Variants in CFAP95 observed in about 807,000 individuals in gnomAD.
CFAP95 encodes the protein cilia and flagella associated protein 95.
the CFAP95 span, among the ~76,000 whole-genome samples, chr9:69,855,903 T>G: frequency 6.6e-6 from 1 of 152,282 alleles, no homozygotes; most frequent in African/African-American, 2.4e-5. Context: ...GGGAATCTAG[T>G]CTTTCAGATA....
chr9:69,861,656 C>A, the CFAP95 span, among the ~76,000 whole-genome samples: 1 of 146,322 alleles, frequency 6.8e-6, no homozygotes, highest in Non-Finnish European at 1.5e-5. Flanking sequence ...TCAGGCACCA[C>A]ATGTCAGTCT....
At chr9:69,861,749 A>AC in the CFAP95 span, among the ~76,000 whole-genome samples, 4,168 of 148,368 alleles carry the variant, frequency 0.028, 181 homozygotes, top group African/African-American at 0.089. Flanking sequence ...AAAAAAAAAA[A>AC]AAAACACAAC....
the CFAP95 span, among the ~76,000 whole-genome samples, chr9:69,898,132 C>G: frequency 2.0e-5 from 3 of 152,132 alleles, no homozygotes; most frequent in East Asian, 5.8e-4. Flanking sequence ...AATGCACCCT[C>G]AAGGGTGGCT....
the CFAP95 span, chr9:69,886,852 CG>C: frequency 6.2e-7 from 1 of 1,612,792 alleles, no homozygotes; most frequent in Non-Finnish European, 8.5e-7. Flanking sequence ...GCATTGACAA[CG>C]TACTCAGAAG....
the CFAP95 span, among the ~76,000 whole-genome samples, chr9:69,864,091 G>C: frequency 6.6e-6 from 1 of 152,122 alleles, no homozygotes. Context: ...ACCCGAGGTA[G>C]ACCTCACACA....
chr9:69,841,517 T>C, the CFAP95 span, among the ~76,000 whole-genome samples: 3 of 152,112 alleles, frequency 2.0e-5, no homozygotes, highest in East Asian at 5.8e-4. Flanking sequence ...TGGACACAAA[T>C]AGGAGAAGGC....
chr9:69,851,141 A>T, the CFAP95 span, among the ~76,000 whole-genome samples: 98 of 152,318 alleles, frequency 6.4e-4, no homozygotes, highest in African/African-American at 2.3e-3. Context: ...TAGTTTGCTT[A>T]AGCAGGTGTA....
the CFAP95 span, among the ~76,000 whole-genome samples, chr9:69,864,481 C>T: frequency 3.9e-5 from 6 of 152,122 alleles, no homozygotes; most frequent in African/African-American, 1.2e-4. Flanking sequence ...CAGTTGTTTC[C>T]ATTTGGAAAA....
the CFAP95 span, among the ~76,000 whole-genome samples, chr9:69,879,667 C>A: frequency 6.6e-6 from 1 of 152,162 alleles, no homozygotes; most frequent in African/African-American, 2.4e-5. Flanking sequence ...TATCAGCTGG[C>A]TGAAACTGTT....
the CFAP95 span, chr9:69,820,843 A>G: frequency 3.7e-6 from 6 of 1,602,214 alleles, no homozygotes; most frequent in African/African-American, 6.7e-5. Context: ...ACAGGTGCAT[A>G]GGGAACTCCT....
the CFAP95 span, among the ~76,000 whole-genome samples, chr9:69,878,285 G>A: frequency 6.6e-6 from 1 of 152,226 alleles, no homozygotes; most frequent in East Asian, 1.9e-4. Context: ...TGTGGTCCTG[G>A]ATACTTCCTT....
the CFAP95 span, among the ~76,000 whole-genome samples, chr9:69,874,624 TGGC>T: frequency 6.6e-6 from 1 of 152,222 alleles, no homozygotes; most frequent in African/African-American, 2.4e-5. Flanking sequence ...CTCTTCCTGT[TGGC>T]TTTATTCCCT....
At chr9:69,856,625 G>A in the CFAP95 span, 1 of 1,612,722 alleles carries the variant, frequency 6.2e-7, no homozygotes, top group Admixed American at 1.7e-5. Context: ...GAAATGAAGA[G>A]CAAGGCTTTA....
chr9:69,860,657 G>A, the CFAP95 span, among the ~76,000 whole-genome samples: 5 of 148,308 alleles, frequency 3.4e-5, no homozygotes, highest in South Asian at 2.1e-4. Flanking sequence ...AGCTTAAAAC[G>A]CAAACACATT....
the CFAP95 span, among the ~76,000 whole-genome samples, chr9:69,834,073 C>T: frequency 3.9e-5 from 6 of 152,284 alleles, no homozygotes; most frequent in African/African-American, 1.2e-4. Context: ...GGAATAGGAG[C>T]TTACACAGGT....
At chr9:69,856,089 G>A in the CFAP95 span, among the ~76,000 whole-genome samples, 2 of 152,080 alleles carry the variant, frequency 1.3e-5, no homozygotes, top group East Asian at 3.9e-4. Flanking sequence ...ACATCTTATA[G>A]TTTGAAGATT....
At chr9:69,886,819 A>C in the CFAP95 span, 1 of 1,603,288 alleles carries the variant, frequency 6.2e-7, no homozygotes, top group Non-Finnish European at 8.5e-7. Flanking sequence ...TTCTTTCCTC[A>C]TTGACTTATC....
chr9:69,873,562 C>CGCT, the CFAP95 span, among the ~76,000 whole-genome samples: 1 of 152,138 alleles, frequency 6.6e-6, no homozygotes, highest in Non-Finnish European at 1.5e-5. Context: ...TTCCGTGACC[C>CGCT]GCTGTGGCTA....
the CFAP95 span, among the ~76,000 whole-genome samples, chr9:69,878,111 G>T: frequency 1.3e-5 from 2 of 152,158 alleles, no homozygotes; most frequent in African/African-American, 4.8e-5. Context: ...TTAATGACAC[G>T]TTTCTGGGGT....
Sources: allele counts gnomAD v4.1 joint callset (sites outside exome capture counted in the v4.1 genomes callset), GRCh38; gene constraint gnomAD v4.1.1; transcripts MANE v1.5; gene names NCBI Gene and HGNC (gene_info 2026-07-23, HGNC 2026-07-21).